PIAS1: variants seen among roughly 807,000 people sequenced by gnomAD.
PIAS1 encodes the protein protein inhibitor of activated STAT 1, also known as E3 SUMO-protein ligase PIAS1.
A neutral mutation model predicts 71.3 loss-of-function variants in PIAS1; 6 were observed. The ratio of observed to expected loss-of-function variants is 0.08; its 90% CI spans 0.05 to 0.17. The LOEUF (loss-of-function observed/expected upper bound fraction) is 0.17. Among genes scored for constraint, PIAS1 ranks in the 10% least tolerant of loss-of-function variants. The probability of loss-of-function intolerance (pLI) is 1.00; values close to 1 mark genes in which losing one functional copy is unlikely to be tolerated. For synonymous variants in PIAS1, 303 were observed against 292.9 expected, an observed-to-expected ratio of 1.03 and a Z score of -0.35; for missense variants, 555 against 793.6, an observed-to-expected ratio of 0.70 and a Z score of 3.61.
chr15:68,089,199 A>G (rs532821677), intron 2 of PIAS1, among the ~76,000 whole-genome samples: 3 of 152,292 alleles, frequency 2.0e-5, no homozygotes, highest in South Asian at 2.1e-4. Flanking sequence ...TTCCCATTTT[A>G]TTAGGTAATT....
chr15:68,129,684 A>G (rs1294812464), intron 2 of PIAS1, among the ~76,000 whole-genome samples: 2 of 152,118 alleles, frequency 1.3e-5, no homozygotes, highest in Non-Finnish European at 2.9e-5. Flanking sequence ...TATAGTGGAT[A>G]CTTTGCAGAC....
At chr15:68,146,799 C>A (rs1384556994) in intron 6 of PIAS1, 99 bp downstream of exon 6, 3 of 865,850 alleles carry the variant, frequency 3.5e-6, no homozygotes, top group Admixed American at 2.3e-5. Flanking sequence ...AAATGAGCTG[C>A]AAAAGGATTT....
At chr15:68,065,944 G>C (rs1363932928) in intron 1 of PIAS1, among the ~76,000 whole-genome samples, 1 of 15,954 alleles carries the variant, frequency 6.3e-5, no homozygotes, top group Admixed American at 7.9e-4. Context: ...TTTTTTTTTT[G>C]GAGATAGGGT....
intron 2 of PIAS1, among the ~76,000 whole-genome samples, chr15:68,133,549 A>T (rs1174377150): frequency 6.6e-6 from 1 of 152,188 alleles, no homozygotes; most frequent in African/African-American, 2.4e-5. Context: ...GTGGTCCAGA[A>T]TGAAACATAC....
At chr15:68,122,998 T>C (rs956053511) in intron 2 of PIAS1, among the ~76,000 whole-genome samples, 1 of 152,178 alleles carries the variant, frequency 6.6e-6, no homozygotes, top group Non-Finnish European at 1.5e-5. Context: ...AAGCTGTTTT[T>C]TTTTTTTTAA....
chr15:68,102,244 A>G (rs571997311), intron 2 of PIAS1, among the ~76,000 whole-genome samples: 4 of 152,278 alleles, frequency 2.6e-5, no homozygotes, highest in East Asian at 3.9e-4. Context: ...TTACTTTTGC[A>G]TCTTTATCAA....
Position 68,191,155 on chromosome 15 carries a change from G to A in PIAS1, c.*3320G>A, listed in dbSNP as rs1281846540. 2.0e-5 allele frequency: 3 copies of A among 152,584 alleles called. No individual in the cohort carries two copies. The allele number at this position is 152,584 out of a possible 1,614,324, so 9.5% of individuals were successfully genotyped here. A position where few individuals can be genotyped will look rare whatever the true frequency, so the allele number is the denominator to read the frequency against. ...CAGAAAGAGAGGGAAAATAGCTGGT[G>A]GTCCCAGAGTGTGCTGCTGTTAATT... On this transcript the variant is annotated 3_prime_UTR_variant, in exon 14 of 14. Transcript: ENST00000249636.
chr15:68,180,542 T>G (rs1275436039), intron 11 of PIAS1, among the ~76,000 whole-genome samples: 1 of 152,270 alleles, frequency 6.6e-6, no homozygotes, highest in Non-Finnish European at 1.5e-5. Context: ...TGTTTTCTTT[T>G]TCCAGTTATA....
At position 68,078,231 on chromosome 15, in the gene PIAS1, G is replaced by A. The variant is rs117125476; in HGVS notation, c.25-8075G>A. 1.9e-3 allele frequency among the ~76,000 whole-genome samples: 284 copies of A among 152,256 alleles called. 7 individuals carry two copies. The East Asian group carries it at 0.051, about 27-fold the overall frequency. On this transcript the variant is annotated intron_variant, in intron 1 of 13. Transcript: ENST00000249636. ...TCAAGTACAGTACTAATTTTTAAAAGACCTACCTGTTTGTAGAATATTGAA... is the reference window on the plus strand; with the variant it reads ...TCAAGTACAGTACTAATTTTTAAAAAACCTACCTGTTTGTAGAATATTGAA...
intron 1 of PIAS1, among the ~76,000 whole-genome samples, chr15:68,058,915 A>G (rs1362967789): frequency 2.0e-5 from 3 of 151,718 alleles, no homozygotes; most frequent in Non-Finnish European, 4.4e-5. Context: ...TTTCATGTCT[A>G]TCCAGGTTAG....
chr15:68,064,933 A>G (rs2092000630), intron 1 of PIAS1, among the ~76,000 whole-genome samples: 1 of 152,134 alleles, frequency 6.6e-6, no homozygotes, highest in Admixed American at 6.5e-5. Flanking sequence ...GTTTTTTGAG[A>G]TGGGCTTTGC....
At chr15:68,073,983 A>G (rs866922428) in intron 1 of PIAS1, among the ~76,000 whole-genome samples, 20 of 152,170 alleles carry the variant, frequency 1.3e-4, no homozygotes, top group African/African-American at 4.8e-4. Context: ...TTGGAGGTGA[A>G]CAAGAAGATG....
At chr15:68,100,132 A>G (rs936229049) in intron 2 of PIAS1, among the ~76,000 whole-genome samples, 1 of 152,214 alleles carries the variant, frequency 6.6e-6, no homozygotes, top group African/African-American at 2.4e-5. Context: ...TGATCTTGAA[A>G]TAATTACAGA....
chr15:68,101,631 G>C (rs1349563619), intron 2 of PIAS1, among the ~76,000 whole-genome samples: 1 of 151,518 alleles, frequency 6.6e-6, no homozygotes, highest in Non-Finnish European at 1.5e-5. Flanking sequence ...ACTGCGCCTG[G>C]CTTGTCTTCT....
chr15:68,119,282 C>CAT (rs1202739514), intron 2 of PIAS1, among the ~76,000 whole-genome samples: 2 of 121,130 alleles, frequency 1.7e-5, no homozygotes, highest in Non-Finnish European at 3.3e-5. Context: ...TATATGTACA[C>CAT]ATACACACAC....
intron 2 of PIAS1, among the ~76,000 whole-genome samples, chr15:68,105,532 C>T (rs1244777712): frequency 6.6e-6 from 1 of 152,108 alleles, no homozygotes; most frequent in Non-Finnish European, 1.5e-5. Context: ...GAATCTGGAG[C>T]TTTTACTACC....
intron 2 of PIAS1, among the ~76,000 whole-genome samples, chr15:68,117,987 C>T (rs1019747105): frequency 1.3e-5 from 2 of 152,106 alleles, no homozygotes; most frequent in African/African-American, 2.4e-5. Flanking sequence ...GTTAAGGGTT[C>T]CCTGTTCTCC....
chr15:68,155,709 A>G (rs752688719), intron 7 of PIAS1, among the ~76,000 whole-genome samples: 1 of 152,222 alleles, frequency 6.6e-6, no homozygotes, highest in Admixed American at 6.5e-5. Context: ...CATTCTCTGA[A>G]TCATTTGATT....
chr15:68,145,510 TTC>T (rs533115523), intron 4 of PIAS1, among the ~76,000 whole-genome samples: 55 of 152,190 alleles, frequency 3.6e-4, no homozygotes, highest in Non-Finnish European at 7.8e-4. Context: ...GAGTCTTTTT[TTC>T]TTTTAACATC....
Sources: gnomAD v4.1 joint callset for allele counts (sites outside exome capture counted in the v4.1 genomes callset) on GRCh38, gnomAD v4.1.1 for gene constraint, MANE v1.5 for transcripts, NCBI Gene and HGNC (gene_info 2026-07-23, HGNC 2026-07-21) for gene names.